Variants in EPC1 observed in about 807,000 individuals in gnomAD.
The protein encoded by EPC1 is enhancer of polycomb homolog 1.
In EPC1, 12 loss-of-function variants were observed where a neutral mutation model predicts 98.4. The ratio of observed to expected loss-of-function variants is 0.12; its 90% CI spans 0.08 to 0.20. EPC1 has a LOEUF of 0.20. EPC1 is among the 10% of genes least tolerant of loss of function. The pLI is 1.00. For missense variants in EPC1, 729 were observed against 990.5 expected (o/e 0.74, Z 3.54); for synonymous variants, 357 against 363.9 (o/e 0.98, Z 0.21).
At chr10:32,309,887 G>C (rs900937116) in intron 1 of EPC1, among the ~76,000 whole-genome samples, 1 of 149,006 alleles carries the variant, frequency 6.7e-6, no homozygotes. Context: ...AAGCAATATA[G>C]TATAGTGGTT....
chr10:32,350,958 G>A (rs1839093251), upstream of EPC1, among the ~76,000 whole-genome samples: 1 of 152,126 alleles, frequency 6.6e-6, no homozygotes, highest in Admixed American at 6.5e-5. Context: ...TTCACCCCTA[G>A]AAACAGCCTC....
At chr10:32,356,614 C>G (rs971467704) in intron 1 of EPC1, among the ~76,000 whole-genome samples, 3 of 152,136 alleles carry the variant, frequency 2.0e-5, no homozygotes, top group Non-Finnish European at 2.9e-5. Context: ...CTTTAGGACA[C>G]CGTGGGAGGA....
chr10:32,286,200 G>A (rs1468248685), intron 9 of EPC1: 1 of 153,176 alleles, frequency 6.5e-6, no homozygotes, highest in Non-Finnish European at 1.5e-5. Context: ...CTCGCATAAA[G>A]GCATTTAGAG....
chr10:32,283,649 T>A (rs1836519638), intron 10 of EPC1: 1 of 152,204 alleles, frequency 6.6e-6, no homozygotes, highest in South Asian at 2.1e-4. Context: ...CCTAGCTTAT[T>A]TTAAGAATGA....
chr10:32,361,376 C>T lies in EPC1; in HGVS notation c.3+17115G>A, dbSNP rs138723327. Among the ~76,000 whole-genome samples the T allele has an allele frequency of 7.8e-3, 1,183 of 152,222 alleles. 13 individuals are homozygous for T. Among genetic ancestry groups the T allele is most frequent in the African/African-American group, 0.027 (1,130 of 41,510 alleles). On this transcript the variant is annotated intron_variant, in intron 1 of 13. Coordinates refer to the EPC1 transcript ENST00000375110. ...TATGACAGTGGGAGACCAGAATATGCCACCCCCAAAATTTATTTCTTTGGC... is the reference window on the plus strand; with the variant it reads ...TATGACAGTGGGAGACCAGAATATGTCACCCCCAAAATTTATTTCTTTGGC...
rs1839376967 is a variant in EPC1 at position 32,359,459 on chromosome 10, A to C, written c.3+19032T>G. On this transcript the variant is annotated intron_variant, in intron 1 of 13. Coordinates refer to the EPC1 transcript ENST00000375110. The stretch of plus-strand genomic sequence containing the variant: ...ATGAATACACTGAATTTTAATTAAA[A>C]GATTTTGACACTAATTTAAGCTATT... 2.0e-5 allele frequency among the ~76,000 whole-genome samples: 3 copies of C among 152,344 alleles called. No homozygotes were observed. The South Asian group carries it at 6.2e-4, about 32-fold the overall frequency.
chr10:32,301,506 G>C (rs1287240216), intron 2 of EPC1, among the ~76,000 whole-genome samples: 4 of 152,056 alleles, frequency 2.6e-5, no homozygotes, highest in African/African-American at 9.7e-5. Context: ...AATACAGGAG[G>C]AATCATTCTC....
At chr10:32,292,752 G>T in intron 4 of EPC1, 108 bp from the exon 5 acceptor site, 1 of 1,128,524 alleles carries the variant, frequency 8.9e-7, no homozygotes. Flanking sequence ...AGAATTTAAA[G>T]ACAATAAAAG....
chr10:32,367,627 C>T (rs913029835), intron 1 of EPC1, among the ~76,000 whole-genome samples: 1 of 151,984 alleles, frequency 6.6e-6, no homozygotes, highest in African/African-American at 2.4e-5. Flanking sequence ...CTTGTGAATA[C>T]AGTATAGCTG....
intron 13 of EPC1, among the ~76,000 whole-genome samples, chr10:32,270,635 G>A (rs1235744144): frequency 6.6e-6 from 1 of 151,940 alleles, no homozygotes; most frequent in African/African-American, 2.4e-5. Context: ...GACTAGCATG[G>A]CCAACATGGT....
upstream of EPC1, chr10:32,347,164 C>T: frequency 1.4e-6 from 2 of 1,380,140 alleles, no homozygotes; most frequent in Non-Finnish European, 1.9e-6. Context: ...ACTGTGCGCT[C>T]TTCAGCCAAC....
At chr10:32,301,123 C>A (rs555552609) in intron 2 of EPC1, among the ~76,000 whole-genome samples, 1 of 152,026 alleles carries the variant, frequency 6.6e-6, no homozygotes, top group Non-Finnish European at 1.5e-5. Flanking sequence ...CCTACATGCC[C>A]ACCCACTCAT....
At chr10:32,284,589 G>C (rs934690290) in intron 10 of EPC1, 109 bp downstream of exon 10, 1 of 891,184 alleles carries the variant, frequency 1.1e-6, no homozygotes, top group Non-Finnish European at 1.7e-6. Flanking sequence ...AACTGTTTAA[G>C]AGAAAAGGAC....
intron 10 of EPC1, chr10:32,283,740 G>A (rs1836524286): frequency 6.6e-6 from 1 of 152,150 alleles, no homozygotes; most frequent in Non-Finnish European, 1.5e-5. Context: ...TTATGTTATT[G>A]GTAATTCTGG....
intron 6 of EPC1, among the ~76,000 whole-genome samples, chr10:32,288,572 A>C (rs1836822583): frequency 6.8e-6 from 1 of 147,078 alleles, no homozygotes; most frequent in African/African-American, 2.4e-5. Context: ...GCTGGTTTCA[A>C]ACTCTTGACC....
chr10:32,333,202 T>C (rs970633336), intron 1 of EPC1, among the ~76,000 whole-genome samples: 2 of 152,226 alleles, frequency 1.3e-5, no homozygotes, highest in East Asian at 1.9e-4. Flanking sequence ...TAGCCGGGCA[T>C]GGTGGCGTGC....
chr10:32,293,848 T>C, intron 2 of EPC1, 111 bp from the exon 3 acceptor site: 1 of 1,080,248 alleles, frequency 9.3e-7, no homozygotes, highest in Non-Finnish European at 1.3e-6. Flanking sequence ...TAAGAAAGAA[T>C]TCTTGGATTT....
chr10:32,342,061 A>AT (rs1448235028), intron 1 of EPC1, among the ~76,000 whole-genome samples: 3 of 152,154 alleles, frequency 2.0e-5, no homozygotes, highest in African/African-American at 7.2e-5. Context: ...AAGCTGAAAC[A>AT]TTTTATTAAT....
At chr10:32,373,226 G>T (rs948464563) in intron 1 of EPC1, among the ~76,000 whole-genome samples, 11 of 152,084 alleles carry the variant, frequency 7.2e-5, no homozygotes, top group Non-Finnish European at 1.5e-4. Flanking sequence ...CTGCAAAATG[G>T]GTATAATGAT....
Sources: gnomAD v4.1 joint callset for allele counts (sites outside exome capture counted in the v4.1 genomes callset) on GRCh38, gnomAD v4.1.1 for gene constraint, MANE v1.5 for transcripts, NCBI Gene and HGNC (gene_info 2026-07-23, HGNC 2026-07-21) for gene names.